CFAP20DC: variants seen among roughly 807,000 people sequenced by gnomAD.
CFAP20DC encodes CFAP20 domain containing, also known as protein CFAP20DC.
In CFAP20DC, 84 loss-of-function variants were observed where a neutral mutation model predicts 101.7. The ratio of observed to expected loss-of-function variants is 0.83; its 90% CI spans 0.69 to 0.99. The LOEUF is 0.99. Among genes scored for constraint, CFAP20DC ranks in the 50% least tolerant of loss-of-function variants. CFAP20DC has a pLI of 0.00. For missense variants in CFAP20DC, 1,007 were observed against 970.3 expected (o/e 1.04, Z -0.50); for synonymous variants, 359 against 351.2 (o/e 1.02, Z -0.25).
chr3:58,767,408 A>G (rs1336661497), intron 15 of CFAP20DC, among the ~76,000 whole-genome samples: 9 of 152,238 alleles, frequency 5.9e-5, no homozygotes, highest in Admixed American at 5.9e-4. Flanking sequence ...ACTAGCTTAA[A>G]AAAACTAAGA....
At chr3:58,998,082 CAA>C (rs1279361283) in intron 4 of CFAP20DC, among the ~76,000 whole-genome samples, 5 of 152,140 alleles carry the variant, frequency 3.3e-5, no homozygotes, top group African/African-American at 1.2e-4. Context: ...TTACTGTAAC[CAA>C]AGTCTTTGGA....
rs1332877600 is a variant in CFAP20DC, at chr3:58,912,347, T to C, written c.550+1361A>G. Among the ~76,000 whole-genome samples, 1 of 152,192 alleles carries C rather than the reference T, an allele frequency of 6.6e-6. No homozygotes were observed. Among genetic ancestry groups the C allele is most frequent in the Non-Finnish European group, 1.5e-5 (1 of 68,024 alleles). On this transcript the variant is annotated intron_variant, in intron 6 of 16. Coordinates refer to ENST00000482387, the MANE Select transcript of CFAP20DC (RefSeq NM_001394063.1). This position sits in a 1 kb window ranked among gnomAD's most constrained non-coding sequence, Gnocchi z 4.4. ...CATTTAAAAAAATGAAATCTTTCAC[T>C]TTCTCGTATAGTCTGTAAGTGGGTA...
At position 59,047,195 on chromosome 3, in the gene CFAP20DC, C is replaced by G; in HGVS notation, c.81G>C (p.Lys27Asn). The part of the protein sequence containing the change: ...AQGKNPGAKW[K>N]ILGSPSVIWK... The stretch of plus-strand genomic sequence containing the variant: ...AAATCACAGATGGACTACCAAGGAT[C>G]TTCCATTTTGCTCCAGGATTTTTTC... Residue 27 changes from lysine to asparagine, a missense_variant, in exon 2 of 17, where the codon AAG (lysine) becomes AAC (asparagine). Physicochemically the swap from Lys to Asn is moderately conservative, Grantham distance 94. Transcript: ENST00000482387. The G allele has an allele frequency of 3.3e-6, 5 of 1,535,206 alleles. No individual in the cohort carries two copies. Among genetic ancestry groups the G allele is most frequent in the Non-Finnish European group, 4.4e-6 (5 of 1,146,164 alleles).
chr3:58,943,033 T>C (rs1243346482), intron 4 of CFAP20DC, among the ~76,000 whole-genome samples: 4 of 152,178 alleles, frequency 2.6e-5, no homozygotes, highest in African/African-American at 7.2e-5. Flanking sequence ...AGATTCCTCC[T>C]CTCTGGGCAG....
chr3:58,951,090 G>A (rs1194859450), intron 4 of CFAP20DC, among the ~76,000 whole-genome samples: 1 of 152,104 alleles, frequency 6.6e-6, no homozygotes, highest in Non-Finnish European at 1.5e-5. Context: ...TCAACAAGTG[G>A]GTGAAGGATA....
chr3:58,777,738 G>C (rs1487096061), intron 15 of CFAP20DC, among the ~76,000 whole-genome samples: 1 of 152,110 alleles, frequency 6.6e-6, no homozygotes, highest in Non-Finnish European at 1.5e-5. Context: ...GGCCCCTACT[G>C]GTCCATAATC....
intron 4 of CFAP20DC, among the ~76,000 whole-genome samples, chr3:59,013,522 A>G (rs1348711060): frequency 6.6e-6 from 1 of 152,196 alleles, no homozygotes; most frequent in Non-Finnish European, 1.5e-5. Context: ...TTACACACAG[A>G]AAGGCTTTTG....
At chr3:58,961,969 C>T (rs1270426360) in intron 4 of CFAP20DC, among the ~76,000 whole-genome samples, 2 of 152,120 alleles carry the variant, frequency 1.3e-5, no homozygotes, top group African/African-American at 4.8e-5. Context: ...TTTCAAAGAA[C>T]CAACTTTGGT....
rs978433809 is a variant in CFAP20DC at position 59,008,810 on chromosome 3, T to G, written c.278+30747A>C. On this transcript the variant is annotated intron_variant, in intron 4 of 16. Coordinates refer to ENST00000482387, the MANE Select transcript of CFAP20DC (RefSeq NM_001394063.1). ...CACCAACATGGCACATGTATACATA[T>G]GTAACAAACCTGCACATTGTGCACA... Among the ~76,000 whole-genome samples the G allele has an allele frequency of 2.6e-5, 4 of 151,896 alleles. No homozygotes were observed. The South Asian group carries it at 8.3e-4, about 32-fold the overall frequency.
Position 58,863,399 on chromosome 3 carries a change from C to A in CFAP20DC, c.1593+159G>T. On this transcript the variant is annotated intron_variant, in intron 12 of 16. Transcript: ENST00000482387. The surrounding 1 kb of genome is among the most constrained non-coding windows in gnomAD (Gnocchi z 5.9). Reference sequence around the variant, plus strand: ...AAAAAAAAAAGACAGTTTAAAGTTACCATAACAACCTGATGCAACTGTGGA... The same window carrying A: ...AAAAAAAAAAGACAGTTTAAAGTTAACATAACAACCTGATGCAACTGTGGA... The A allele has an allele frequency of 7.1e-7, 1 of 1,406,884 alleles. No homozygotes were observed. The highest frequency in any genetic ancestry group is 1.7e-5 in the South Asian group (1 of 58,148). 87.2% of individuals were successfully genotyped at this position (1,406,884 alleles called of 1,614,324 possible).
intron 5 of CFAP20DC, among the ~76,000 whole-genome samples, chr3:58,935,841 A>G (rs2087499143): frequency 6.6e-6 from 1 of 152,192 alleles, no homozygotes; most frequent in Non-Finnish European, 1.5e-5. Context: ...CCTAGGCATT[A>G]CCATTCAGGA....
intron 13 of CFAP20DC, among the ~76,000 whole-genome samples, chr3:58,835,553 T>C (rs1372627351): frequency 6.6e-6 from 1 of 152,224 alleles, no homozygotes; most frequent in Non-Finnish European, 1.5e-5. Context: ...CAGGCACTGC[T>C]GATGCTATAT....
chr3:58,879,588 C>T (rs2081062382), intron 7 of CFAP20DC, among the ~76,000 whole-genome samples: 1 of 152,124 alleles, frequency 6.6e-6, no homozygotes, highest in African/African-American at 2.4e-5. Context: ...GCTAGGAATA[C>T]AACAATAAAT....
intron 15 of CFAP20DC, among the ~76,000 whole-genome samples, chr3:58,761,228 A>C (rs2069556801): frequency 6.6e-6 from 1 of 152,162 alleles, no homozygotes; most frequent in Non-Finnish European, 1.5e-5. Flanking sequence ...TCATTGGTCT[A>C]TTCAGAGATT....
chr3:58,997,085 T>C lies in CFAP20DC; in HGVS notation c.278+42472A>G, dbSNP rs140576626. On this transcript the variant is annotated intron_variant, in intron 4 of 16. Transcript: ENST00000482387. ...CTTTACTCACCCTTCAAACTTTCTG[T>C]GAGCCTAAATTTTCATGTCCCTGGG... Among the ~76,000 whole-genome samples the C allele has an allele frequency of 1.1e-4, 17 of 152,330 alleles. No individual in the cohort carries two copies. In the East Asian group the frequency reaches 3.3e-3, roughly 29 times the overall value.
intron 4 of CFAP20DC, among the ~76,000 whole-genome samples, chr3:58,942,350 T>C (rs2088724878): frequency 6.6e-6 from 1 of 152,148 alleles, no homozygotes; most frequent in South Asian, 2.1e-4. Context: ...GGCAGGTGAT[T>C]TCTGCATTTC....
chr3:58,806,721 AC>A (rs1559616159), intron 14 of CFAP20DC, among the ~76,000 whole-genome samples: 1 of 152,170 alleles, frequency 6.6e-6, no homozygotes. Flanking sequence ...TGGGTGCAGG[AC>A]AGTGGGTGCA....
At chr3:58,985,783 T>C (rs2092730698) in intron 4 of CFAP20DC, among the ~76,000 whole-genome samples, 1 of 152,242 alleles carries the variant, frequency 6.6e-6, no homozygotes, top group African/African-American at 2.4e-5. Flanking sequence ...TTATATATAC[T>C]TCTGTTAGCA....
intron 14 of CFAP20DC, among the ~76,000 whole-genome samples, chr3:58,816,439 G>A (rs1401635120): frequency 3.3e-5 from 5 of 152,272 alleles, no homozygotes; most frequent in African/African-American, 9.6e-5. Flanking sequence ...TGCGTGCACC[G>A]TGCGCGAGCC....
Sources: gnomAD v4.1 joint callset for allele counts (sites outside exome capture counted in the v4.1 genomes callset) on GRCh38, gnomAD v4.1.1 for gene constraint, Gnocchi (gnomAD v3.1) non-coding constraint, MANE v1.5 for transcripts, NCBI Gene and HGNC (gene_info 2026-07-23, HGNC 2026-07-21) for gene names.